The following FAM219A variants were observed in gnomAD, a reference collection of about 807,000 sequenced individuals.
FAM219A encodes the protein family with sequence similarity 219 member A.
A neutral mutation model predicts 23.4 loss-of-function variants in FAM219A; 7 were observed. The observed-to-expected ratio is 0.30, with a 90% confidence interval of 0.17 to 0.56. FAM219A has a LOEUF of 0.56. Ranked by LOEUF, FAM219A falls within the 20% of genes least tolerant of loss-of-function variation. The probability of loss-of-function intolerance (pLI) is 0.92; values close to 1 mark genes in which losing one functional copy is unlikely to be tolerated. For missense variants in FAM219A, 166 were observed against 246.9 expected, an observed-to-expected ratio of 0.67 and a Z score of 2.20; for synonymous variants, 93 against 99.0, an observed-to-expected ratio of 0.94 and a Z score of 0.36.
At chr9:34,429,133 T>A (rs1209890285) in intron 1 of FAM219A, among the ~76,000 whole-genome samples, 2 of 152,188 alleles carry the variant, frequency 1.3e-5, no homozygotes. Context: ...CTCTCCCCTC[T>A]CATTATGACT....
At chr9:34,414,831 T>A (rs1269546730) in intron 1 of FAM219A, among the ~76,000 whole-genome samples, 1 of 152,244 alleles carries the variant, frequency 6.6e-6, no homozygotes, top group Non-Finnish European at 1.5e-5. Context: ...AGAAGACCCA[T>A]TTCAAATAAA....
In FAM219A at chr9:34,398,286, C is replaced by T. The variant is rs565491887; in HGVS notation, c.*2678G>A. The T allele has an allele frequency of 6.1e-4, 944 of 1,550,584 alleles. No homozygotes were observed. The highest frequency in any genetic ancestry group is 7.9e-4 in the Non-Finnish European group (905 of 1,146,942). On this transcript the variant is annotated 3_prime_UTR_variant, in exon 6 of 6. Transcript: ENST00000651358. ...AAAATGTTAAAAAAAATATTATACA[C>T]GGCTCATGTCTTCCACACACCTTCC...
intron 1 of FAM219A, among the ~76,000 whole-genome samples, chr9:34,415,121 ATT>A (rs5897570): frequency 0.15 from 22,857 of 148,538 alleles, 1,886 homozygotes; most frequent in Non-Finnish European, 0.19. Context: ...GCCTGGCTAA[ATT>A]TTTTTTTTTT....
chr9:34,403,705 C>G (rs1821532879), intron 2 of FAM219A, among the ~76,000 whole-genome samples: 1 of 152,206 alleles, frequency 6.6e-6, no homozygotes, highest in South Asian at 2.1e-4. Context: ...CCCTACTCAT[C>G]TCAAGTAAAG....
At chr9:34,406,048 C>A in intron 1 of FAM219A, 84 bp from the exon 2 acceptor site, 3 of 1,356,988 alleles carry the variant, frequency 2.2e-6, no homozygotes, top group Non-Finnish European at 3.0e-6. Flanking sequence ...AGCCTTCCCA[C>A]CTGCCCTCTG....
chr9:34,404,718 C>T (rs1267403248), intron 2 of FAM219A, among the ~76,000 whole-genome samples: 2 of 151,856 alleles, frequency 1.3e-5, no homozygotes, highest in Non-Finnish European at 2.9e-5. Context: ...AAAACAACAA[C>T]AACAACAACA....
At chr9:34,453,349 TG>T (rs1323336252) in intron 1 of FAM219A, among the ~76,000 whole-genome samples, 4 of 152,200 alleles carry the variant, frequency 2.6e-5, no homozygotes, top group Admixed American at 1.3e-4. Flanking sequence ...CATCCATCCC[TG>T]AGTGTCAGGA....
intron 1 of FAM219A, among the ~76,000 whole-genome samples, chr9:34,422,302 A>ACCAAGTAAG (rs1391115991): frequency 6.6e-6 from 1 of 152,208 alleles, no homozygotes; most frequent in Non-Finnish European, 1.5e-5. Flanking sequence ...CCTCCCCAAA[A>ACCAAGTAAG]CCAAGTAAGG....
At position 34,400,941 on chromosome 9, in the gene FAM219A, G is replaced by A. The variant is rs765262433; in HGVS notation, c.*23C>T. 5.3e-6 allele frequency: 8 copies of A among 1,508,136 alleles called. No homozygotes were observed. Among genetic ancestry groups the A allele is most frequent in the Admixed American group, 2.1e-5 (1 of 47,516 alleles). The allele number at this position is 1,508,136 out of a possible 1,614,324, so 93.4% of individuals were successfully genotyped here. On this transcript the variant is annotated 3_prime_UTR_variant, in exon 6 of 6. Transcript: ENST00000651358. The stretch of plus-strand genomic sequence containing the variant: ...ACCCGGCCCTTGGCGGCCCCGCCCC[G>A]GCGACCGCAGTGGCCCCGCCCGCTA...
intron 1 of FAM219A, among the ~76,000 whole-genome samples, chr9:34,413,266 A>AG (rs1339815049): frequency 1.3e-5 from 2 of 152,106 alleles, no homozygotes; most frequent in Non-Finnish European, 2.9e-5. Context: ...CCTAAAAAAA[A>AG]CTCATTAGTA....
intron 1 of FAM219A, among the ~76,000 whole-genome samples, chr9:34,411,396 T>TA (rs146135972): frequency 6.5e-4 from 93 of 142,442 alleles, no homozygotes; most frequent in African/African-American, 1.8e-3. Context: ...TCTTTAAAAA[T>TA]AAAAAAAAAA....
intron 1 of FAM219A, among the ~76,000 whole-genome samples, chr9:34,416,108 T>A (rs559454133): frequency 6.6e-6 from 1 of 151,386 alleles, no homozygotes; most frequent in African/African-American, 2.4e-5. Flanking sequence ...CCCAGGAGGT[T>A]GAGGCTGGAG....
At chr9:34,439,626 C>CA (rs754825704) in intron 1 of FAM219A, among the ~76,000 whole-genome samples, 35 of 151,288 alleles carry the variant, frequency 2.3e-4, no homozygotes, top group Non-Finnish European at 3.5e-4. Context: ...GAGTCAACAA[C>CA]AAAAAAAAGG....
At chr9:34,456,638 T>C (rs542990596) in intron 1 of FAM219A, among the ~76,000 whole-genome samples, 1 of 152,286 alleles carries the variant, frequency 6.6e-6, no homozygotes, top group Admixed American at 6.5e-5. Context: ...GAAAGGAAAA[T>C]TATCTTCAGC....
chr9:34,404,739 C>A (rs1821576096), intron 2 of FAM219A, among the ~76,000 whole-genome samples: 1 of 151,124 alleles, frequency 6.6e-6, no homozygotes, highest in Non-Finnish European at 1.5e-5. Flanking sequence ...ACAACAACAA[C>A]CAACACCCCT....
At chr9:34,429,056 T>C (rs965771173) in intron 1 of FAM219A, among the ~76,000 whole-genome samples, 1 of 152,242 alleles carries the variant, frequency 6.6e-6, no homozygotes, top group African/African-American at 2.4e-5. Flanking sequence ...CCCTAGTCCT[T>C]CTAGCCCAAA....
chr9:34,435,812 G>C (rs1272776640), intron 1 of FAM219A, among the ~76,000 whole-genome samples: 1 of 145,114 alleles, frequency 6.9e-6, no homozygotes, highest in African/African-American at 2.6e-5. Flanking sequence ...GGTTTAGATT[G>C]CTTTTTTTTT....
At chr9:34,444,806 G>A in intron 1 of FAM219A, among the ~76,000 whole-genome samples, 1 of 152,122 alleles carries the variant, frequency 6.6e-6, no homozygotes, top group Middle Eastern at 3.2e-3. Context: ...ACATCCACAA[G>A]AGAATAATTT....
intron 1 of FAM219A, among the ~76,000 whole-genome samples, chr9:34,441,092 G>T (rs1466441162): frequency 1.3e-5 from 2 of 152,106 alleles, no homozygotes; most frequent in Non-Finnish European, 2.9e-5. Flanking sequence ...TTCTAGAATT[G>T]CCTGCCCCAT....
Sources: allele counts gnomAD v4.1 joint callset (sites outside exome capture counted in the v4.1 genomes callset), GRCh38; gene constraint gnomAD v4.1.1; transcripts MANE v1.5; gene names NCBI Gene and HGNC (gene_info 2026-07-23, HGNC 2026-07-21).